HECW2: variants seen among roughly 807,000 people sequenced by gnomAD.
The protein encoded by HECW2 is HECT, C2 and WW domain containing E3 ubiquitin protein ligase 2, also known as E3 ubiquitin-protein ligase HECW2.
In HECW2, 61 loss-of-function variants were observed where a neutral mutation model predicts 175.2. The observed-to-expected ratio is 0.35, with a 90% confidence interval of 0.28 to 0.43. The LOEUF is 0.43. Ranked by LOEUF, HECW2 falls within the 20% of genes least tolerant of loss-of-function variation. HECW2 has a pLI of 1.00. For missense variants in HECW2, 1,524 were observed against 2,000.5 expected, an observed-to-expected ratio of 0.76 and a Z score of 4.54; for synonymous variants, 671 against 731.0, an observed-to-expected ratio of 0.92 and a Z score of 1.32.
chr2:196,562,069 C>A (rs1348584930), intron 1 of HECW2, among the ~76,000 whole-genome samples: 1 of 152,202 alleles, frequency 6.6e-6, no homozygotes, highest in Non-Finnish European at 1.5e-5. Context: ...GGTATGAAGT[C>A]TCTTAAAACA....
At chr2:196,344,780 C>T (rs1380206971) in intron 2 of HECW2, among the ~76,000 whole-genome samples, 1 of 152,144 alleles carries the variant, frequency 6.6e-6, no homozygotes, top group Non-Finnish European at 1.5e-5. Flanking sequence ...ATTAAGGTTG[C>T]ACTTTAACTG....
At chr2:196,243,951 AACTG>A (rs950601657) in intron 19 of HECW2, among the ~76,000 whole-genome samples, 7 of 152,184 alleles carry the variant, frequency 4.6e-5, no homozygotes, top group African/African-American at 1.7e-4. Flanking sequence ...TGGGATAGAA[AACTG>A]ATGATGAATA....
At chr2:196,464,140 T>C (rs1354497236) in intron 1 of HECW2, among the ~76,000 whole-genome samples, 1 of 152,118 alleles carries the variant, frequency 6.6e-6, no homozygotes, top group African/African-American at 2.4e-5. Context: ...TCCAATTTCA[T>C]TTTGGATCTC....
At chr2:196,504,587 A>G (rs1163110923) in intron 1 of HECW2, among the ~76,000 whole-genome samples, 1 of 152,224 alleles carries the variant, frequency 6.6e-6, no homozygotes, top group African/African-American at 2.4e-5. Flanking sequence ...GGTCCATGCC[A>G]GCCCACCAGT....
At chr2:196,278,940 AGAAGGAAGCCAGAAGAATG>A (rs1690081542) in intron 14 of HECW2, among the ~76,000 whole-genome samples, 1 of 152,220 alleles carries the variant, frequency 6.6e-6, no homozygotes. Flanking sequence ...ACATGATCCA[AGAAGGAAGCCAGAAGAATG>A]GACATTTAGG....
intron 1 of HECW2, among the ~76,000 whole-genome samples, chr2:196,503,352 A>AAGGAGGCAAG (rs1271465782): frequency 6.6e-6 from 1 of 152,288 alleles, no homozygotes; most frequent in Admixed American, 6.5e-5. Context: ...TGCCCTGTGC[A>AAGGAGGCAAG]GAGGGGCAAG....
At chr2:196,336,356 G>A (rs1428528788) in intron 3 of HECW2, among the ~76,000 whole-genome samples, 1 of 152,170 alleles carries the variant, frequency 6.6e-6, no homozygotes, top group Admixed American at 6.5e-5. Flanking sequence ...GTGTGCACGA[G>A]GACGGTCCGA....
In HECW2 at chr2:196,539,222, T is replaced by C. The variant is rs532836085; in HGVS notation, c.-36+54286A>G. On this transcript the variant is annotated intron_variant, in intron 1 of 28. Coordinates refer to ENST00000644978, the MANE Select transcript of HECW2 (RefSeq NM_001348768.2). ...TCACTTAACCTCTCAGGCTCATTTTTACAAACCTGTGAAATGAGGGAACTC... is the reference window on the plus strand; with the variant it reads ...TCACTTAACCTCTCAGGCTCATTTTCACAAACCTGTGAAATGAGGGAACTC... Among the ~76,000 whole-genome samples, 46 of 152,304 alleles carry C rather than the reference T, an allele frequency of 3.0e-4. 1 individual carries two copies. In the Middle Eastern group the frequency reaches 0.01, roughly 34 times the overall value.
Position 196,284,753 on chromosome 2 carries a change from T to C in HECW2, c.3001-6091A>G, listed in dbSNP as rs541134937. Among the ~76,000 whole-genome samples, 4 of 152,338 alleles carry C rather than the reference T, an allele frequency of 2.6e-5. No homozygotes were observed. In the East Asian group the frequency reaches 7.7e-4, roughly 29 times the overall value. ...AGCTGACCTAGTACATTTGGATCAC[T>C]TTATGTCACAGTTTTTGAATAGCCT... On this transcript the variant is annotated intron_variant, in intron 14 of 28. Transcript: ENST00000644978.
chr2:196,219,058 C>G (rs1687575726), intron 26 of HECW2, among the ~76,000 whole-genome samples: 1 of 152,058 alleles, frequency 6.6e-6, no homozygotes, highest in Non-Finnish European at 1.5e-5. Context: ...TTAAAACTAC[C>G]TTTTTTAAAA....
chr2:196,520,085 G>A (rs1483546365), intron 1 of HECW2, among the ~76,000 whole-genome samples: 2 of 152,052 alleles, frequency 1.3e-5, no homozygotes, highest in African/African-American at 2.4e-5. Context: ...TTCTAGAACT[G>A]AAAAAGGGTA....
chr2:196,317,440 A>C, intron 9 of HECW2, 71 bp from the exon 10 acceptor site: 2 of 1,052,464 alleles, frequency 1.9e-6, no homozygotes, highest in Non-Finnish European at 2.9e-6. Flanking sequence ...CTATACAAAA[A>C]ACCTAACATA....
At chr2:196,562,422 ATGAGT>A (rs144331448) in intron 1 of HECW2, among the ~76,000 whole-genome samples, 7,235 of 152,286 alleles carry the variant, frequency 0.048, 558 homozygotes, top group African/African-American at 0.16. Context: ...TTCTCCCTGT[ATGAGT>A]TATTTATTTA....
intron 2 of HECW2, among the ~76,000 whole-genome samples, chr2:196,408,990 G>A (rs1432420420): frequency 1.3e-5 from 2 of 152,214 alleles, no homozygotes; most frequent in Non-Finnish European, 2.9e-5. Flanking sequence ...GTGTGCGGGA[G>A]TCTATTGTTA....
intron 2 of HECW2, among the ~76,000 whole-genome samples, chr2:196,371,132 TA>T (rs1693898119): frequency 6.6e-6 from 1 of 152,206 alleles, no homozygotes; most frequent in Non-Finnish European, 1.5e-5. Flanking sequence ...TCTGCATTTT[TA>T]AACAGTTACC....
At chr2:196,592,128 G>C (rs551498322) in intron 1 of HECW2, among the ~76,000 whole-genome samples, 1 of 152,142 alleles carries the variant, frequency 6.6e-6, no homozygotes, top group Non-Finnish European at 1.5e-5. Context: ...CTCCAGAAAA[G>C]ACAAGTTTCA....
At chr2:196,524,963 G>A (rs954357574) in intron 1 of HECW2, among the ~76,000 whole-genome samples, 4 of 141,806 alleles carry the variant, frequency 2.8e-5, no homozygotes, top group African/African-American at 1.2e-4. Context: ...GTTGATCTGG[G>A]GTGGAGAGTT....
intron 16 of HECW2, among the ~76,000 whole-genome samples, chr2:196,272,893 T>TA (rs71410609): frequency 3.3e-5 from 5 of 151,204 alleles, no homozygotes; most frequent in East Asian, 3.9e-4. Context: ...AGTAATAACA[T>TA]AAAAAAAAAC....
At chr2:196,582,393 T>C (rs13429401) in intron 1 of HECW2, among the ~76,000 whole-genome samples, 5,372 of 152,270 alleles carry the variant, frequency 0.035, 310 homozygotes, top group African/African-American at 0.12. Context: ...TGTGTGATCC[T>C]AGCTTGAGGA....
Sources: allele counts gnomAD v4.1 joint callset (sites outside exome capture counted in the v4.1 genomes callset), GRCh38; gene constraint gnomAD v4.1.1; transcripts MANE v1.5; gene names NCBI Gene and HGNC (gene_info 2026-07-23, HGNC 2026-07-21).